The following ENOX1 variants were observed in gnomAD, a reference collection of about 807,000 sequenced individuals.
ENOX1 encodes candidate growth-related and time keeping constitutive hydroquinone (NADH) oxidase.
Under a neutral mutation model 82.5 loss-of-function variants are expected in ENOX1, and 42 were observed. The observed-to-expected ratio is 0.51, with a 90% CI of 0.40 to 0.66. The LOEUF is 0.66. ENOX1 is among the 30% of genes least tolerant of loss of function. ENOX1 has a pLI of 0.00. For missense variants in ENOX1, 608 were observed against 811.6 expected, an observed-to-expected ratio of 0.75 and a Z score of 3.05; for synonymous variants, 271 against 282.2, an observed-to-expected ratio of 0.96 and a Z score of 0.40.
intron 3 of ENOX1, among the ~76,000 whole-genome samples, chr13:43,430,125 G>A (rs1303067985): frequency 1.3e-5 from 2 of 152,190 alleles, no homozygotes; most frequent in Non-Finnish European, 2.9e-5. Context: ...TCCACTGTGT[G>A]AGCAACGTGC....
At chr13:43,497,327 C>T (rs544878034) in intron 2 of ENOX1, among the ~76,000 whole-genome samples, 1 of 152,082 alleles carries the variant, frequency 6.6e-6, no homozygotes, top group East Asian at 1.9e-4. Flanking sequence ...AGAGTGAACA[C>T]CCACATCTCT....
At chr13:43,606,460 T>G (rs1233820224) in intron 2 of ENOX1, among the ~76,000 whole-genome samples, 1 of 152,128 alleles carries the variant, frequency 6.6e-6, no homozygotes, top group Non-Finnish European at 1.5e-5. Context: ...GAGATACTAT[T>G]CAGCCATAAG....
At chr13:43,511,177 A>G (rs1847443550) in intron 2 of ENOX1, among the ~76,000 whole-genome samples, 1 of 152,140 alleles carries the variant, frequency 6.6e-6, no homozygotes, top group African/African-American at 2.4e-5. Context: ...AAGCAGCCTC[A>G]GGCTCTCTAT....
intron 3 of ENOX1, among the ~76,000 whole-genome samples, chr13:43,479,576 A>C (rs1460732356): frequency 6.6e-6 from 1 of 152,198 alleles, no homozygotes; most frequent in Non-Finnish European, 1.5e-5. Flanking sequence ...GATCTCCTTT[A>C]AACACCAAAC....
At position 43,706,812 on chromosome 13, in the gene ENOX1, G is replaced by A. The variant is rs556359895; in HGVS notation, c.-284-39268C>T. On this transcript the variant is annotated intron_variant, in intron 1 of 16. Coordinates refer to ENST00000690772, the MANE Select transcript of ENOX1 (RefSeq NM_001347969.2). ...CACAATTAATGTTGAAATATTGAAT[G>A]CTTTTCTCCTAAAGTCAGGAAAATA... is the stretch of plus-strand genomic sequence containing the variant. Among the ~76,000 whole-genome samples the A allele has an allele frequency of 1.3e-4, 20 of 151,978 alleles. No homozygotes were observed. The South Asian group carries it at 3.7e-3, about 28-fold the overall frequency.
chr13:43,498,118 C>T (rs963225124), intron 2 of ENOX1, among the ~76,000 whole-genome samples: 4 of 152,036 alleles, frequency 2.6e-5, no homozygotes, highest in African/African-American at 9.7e-5. Flanking sequence ...TTTTCCTCTT[C>T]TGAGAGCTTC....
chr13:43,715,637 C>T (rs923088944), intron 1 of ENOX1, among the ~76,000 whole-genome samples: 1 of 152,112 alleles, frequency 6.6e-6, no homozygotes, highest in Non-Finnish European at 1.5e-5. Context: ...TTCACATAGT[C>T]CCATATTTCT....
chr13:43,357,988 C>CTA (rs1566594884), intron 7 of ENOX1, among the ~76,000 whole-genome samples: 1 of 152,126 alleles, frequency 6.6e-6, no homozygotes, highest in Non-Finnish European at 1.5e-5. Context: ...TCCTCTGCAC[C>CTA]CAGGTAGGGA....
At chr13:43,751,098 G>C (rs1006283766) in intron 1 of ENOX1, among the ~76,000 whole-genome samples, 1 of 152,076 alleles carries the variant, frequency 6.6e-6, no homozygotes, top group Non-Finnish European at 1.5e-5. Flanking sequence ...CACATTCCTC[G>C]TAAGTCCCCA....
intron 2 of ENOX1, among the ~76,000 whole-genome samples, chr13:43,531,434 G>A (rs1490892847): frequency 6.6e-6 from 1 of 151,000 alleles, no homozygotes; most frequent in Non-Finnish European, 1.5e-5. Flanking sequence ...ACAGGTGCTG[G>A]AGAGCATGTG....
rs907251686 is a variant in ENOX1 at position 43,214,244 on chromosome 13, G to A, written c.1801-123C>T. 11 of 944,330 alleles carry A rather than the reference G, an allele frequency of 1.2e-5. No homozygotes were observed. In the African/African-American group the frequency reaches 1.7e-4, roughly 14 times the overall value. 58.5% of individuals were successfully genotyped at this position (944,330 alleles called of 1,614,324 possible). On this transcript the variant is annotated intron_variant, in intron 16 of 16. Transcript: ENST00000690772. The stretch of plus-strand genomic sequence containing the variant: ...ATTTAGTTTTCTACTGGGCTGTCAG[G>A]GGGATGTCCTTATAGAAGGAACATT...
chr13:43,687,265 A>T (rs2086123448), intron 1 of ENOX1, among the ~76,000 whole-genome samples: 1 of 152,200 alleles, frequency 6.6e-6, no homozygotes, highest in Non-Finnish European at 1.5e-5. Context: ...GCATTTGCTC[A>T]AGGGCTCTCT....
chr13:43,389,370 G>T (rs1174014408), intron 5 of ENOX1, among the ~76,000 whole-genome samples: 1 of 152,220 alleles, frequency 6.6e-6, no homozygotes, highest in Non-Finnish European at 1.5e-5. Flanking sequence ...CACCCATGGA[G>T]TTAGTAAAAG....
chr13:43,430,967 T>G (rs1013264625), intron 3 of ENOX1, among the ~76,000 whole-genome samples: 2 of 152,180 alleles, frequency 1.3e-5, no homozygotes, highest in African/African-American at 4.8e-5. Context: ...TAAAAATGAC[T>G]TCTAAATGTA....
At chr13:43,714,502 T>A (rs2087970258) in intron 1 of ENOX1, among the ~76,000 whole-genome samples, 1 of 152,202 alleles carries the variant, frequency 6.6e-6, no homozygotes. Flanking sequence ...CTGTCTAATG[T>A]TGACAGTGGG....
At chr13:43,297,396 A>G (rs1009690776) in intron 12 of ENOX1, among the ~76,000 whole-genome samples, 1 of 152,200 alleles carries the variant, frequency 6.6e-6, no homozygotes, top group African/African-American at 2.4e-5. Context: ...CATTCTACTT[A>G]TATTTCCCTT....
chr13:43,416,250 GC>G, intron 3 of ENOX1, among the ~76,000 whole-genome samples: 2 of 104,492 alleles, frequency 1.9e-5, no homozygotes, highest in African/African-American at 7.9e-5. Context: ...GGGTGGCCGG[GC>G]AGAGGTGCTC....
chr13:43,530,561 C>A (rs2078168845), intron 2 of ENOX1, among the ~76,000 whole-genome samples: 1 of 152,090 alleles, frequency 6.6e-6, no homozygotes, highest in African/African-American at 2.4e-5. Flanking sequence ...TACCTTTACC[C>A]ACTAGTCCCA....
At chr13:43,565,507 C>T (rs1037347445) in intron 2 of ENOX1, among the ~76,000 whole-genome samples, 1 of 151,946 alleles carries the variant, frequency 6.6e-6, no homozygotes, top group African/African-American at 2.4e-5. Context: ...GCCTTGGGAT[C>T]AAGAGCCTGA....
Sources: allele counts gnomAD v4.1 joint callset (sites outside exome capture counted in the v4.1 genomes callset), GRCh38; gene constraint gnomAD v4.1.1; transcripts MANE v1.5; gene names NCBI Gene and HGNC (gene_info 2026-07-23, HGNC 2026-07-21).